The following RNF146 variants were observed in gnomAD, a reference collection of about 807,000 sequenced individuals.
RNF146 encodes E3 ubiquitin-protein ligase RNF146.
A neutral mutation model predicts 29.7 loss-of-function variants in RNF146; 11 were observed. That is an observed-to-expected ratio of 0.37 (90% CI 0.23 to 0.61). The LOEUF (loss-of-function observed/expected upper bound fraction) is 0.61. Among genes scored for constraint, RNF146 ranks in the 20% least tolerant of loss-of-function variants. RNF146 has a pLI of 0.66. For missense variants in RNF146, 342 were observed against 438.9 expected, an observed-to-expected ratio of 0.78 and a Z score of 1.97; for synonymous variants, 150 against 159.7, an observed-to-expected ratio of 0.94 and a Z score of 0.46.
In RNF146 at chr6:127,287,319, T is replaced by G. The variant is rs1313994875; in HGVS notation, c.706T>G (p.Ser236Ala). ...DGQLTSPATPSPDASTSLEDS... is the reference protein window; with the variant it reads ...DGQLTSPATPAPDASTSLEDS... ...TCAGTTAACAAGCCCTGCAACACCATCCCCTGATGCAAGCACTTCTCTGGA... is the reference window on the plus strand; with the variant it reads ...TCAGTTAACAAGCCCTGCAACACCAGCCCCTGATGCAAGCACTTCTCTGGA... The change falls in exon 3 of 3, where the codon TCC (serine) becomes GCC (alanine). Residue 236 changes from serine to alanine, a missense_variant. By Grantham distance (99) the Ser-to-Ala change is moderately conservative. Coordinates refer to ENST00000368314, the MANE Select transcript of RNF146 (RefSeq NM_001242850.2). The G allele has an allele frequency of 2.5e-6, 4 of 1,613,342 alleles. No homozygotes were observed. Among genetic ancestry groups the G allele is most frequent in the Non-Finnish European group, 3.4e-6 (4 of 1,179,604 alleles).
Position 127,287,969 on chromosome 6 carries a change from C to A in RNF146, c.*276C>A, listed in dbSNP as rs943200856. The A allele has an allele frequency of 3.9e-6, 1 of 259,654 alleles. No homozygotes were observed. Among genetic ancestry groups the A allele is most frequent in the South Asian group, 9.0e-5 (1 of 11,076 alleles). The allele number at this position is 259,654 out of a possible 1,614,324, so 16.1% of individuals were successfully genotyped here. A position where few individuals can be genotyped will look rare whatever the true frequency, so the allele number is the denominator to read the frequency against. On this transcript the variant is annotated 3_prime_UTR_variant, in exon 3 of 3. Transcript: ENST00000368314. ...ATACTTTTTAAAAACTTCTGTAGTT[C>A]TTTTGGCCAGTGTGTTTGTATTATC... is the stretch of plus-strand genomic sequence containing the variant.
At chr6:127,278,717 A>G (rs946262785) in intron 1 of RNF146, among the ~76,000 whole-genome samples, 2 of 151,926 alleles carry the variant, frequency 1.3e-5, no homozygotes, top group African/African-American at 4.8e-5. Context: ...CTTTTTGAGG[A>G]AGCAACAAAT....
intron 2 of RNF146, chr6:127,285,489 T>G: frequency 3.7e-6 from 1 of 271,760 alleles, no homozygotes; most frequent in East Asian, 1.8e-4. Context: ...TTTTTACTTA[T>G]CAGTGGTTTA....
rs772793384 is a variant in RNF146, at chr6:127,287,188, T to G, written c.575T>G (p.Leu192Arg). Reference sequence around the variant, plus strand: ...GACTGTGATGCTAATACCGTAAACCTAGCAAGAGAGAGCTCTGCTGACGGA... The same window carrying G: ...GACTGTGATGCTAATACCGTAAACCGAGCAAGAGAGAGCTCTGCTGACGGA... ...RLDCDANTVN[L>R]ARESSADGAD... The change falls in exon 3 of 3, where the codon CTA (leucine) becomes CGA (arginine). Residue 192 changes from leucine to arginine, a missense_variant. Leu to Arg is a moderately radical substitution (Grantham distance 102). Transcript: ENST00000368314. 3 of 1,613,358 alleles carry G rather than the reference T, an allele frequency of 1.9e-6. No individual in the cohort carries two copies. Among genetic ancestry groups the G allele is most frequent in the Non-Finnish European group, 2.5e-6 (3 of 1,179,596 alleles).
intron 1 of RNF146, among the ~76,000 whole-genome samples, chr6:127,270,430 T>A (rs533476105): frequency 6.6e-6 from 1 of 152,326 alleles, no homozygotes; most frequent in Admixed American, 6.5e-5. Flanking sequence ...TTTGAGTTAT[T>A]TATGTTTGGC....
At chr6:127,284,395 A>G (rs1320503635) in intron 2 of RNF146, among the ~76,000 whole-genome samples, 1 of 151,880 alleles carries the variant, frequency 6.6e-6, no homozygotes, top group Non-Finnish European at 1.5e-5. Flanking sequence ...TAGTCTCATG[A>G]ATAGAATCAT....
intron 1 of RNF146, among the ~76,000 whole-genome samples, chr6:127,277,200 A>G (rs752658020): frequency 7.2e-5 from 11 of 152,078 alleles, no homozygotes; most frequent in Non-Finnish European, 1.6e-4. Flanking sequence ...GAGACTTGAA[A>G]GAAAAAGTAA....
intron 1 of RNF146, among the ~76,000 whole-genome samples, chr6:127,272,902 G>T (rs1403645660): frequency 1.3e-5 from 2 of 152,112 alleles, no homozygotes; most frequent in Admixed American, 1.3e-4. Flanking sequence ...ATAAGCTAAA[G>T]GAAAATAAAT....
chr6:127,272,849 T>TA (rs1360507307), intron 1 of RNF146, among the ~76,000 whole-genome samples: 2 of 152,226 alleles, frequency 1.3e-5, no homozygotes, highest in African/African-American at 2.4e-5. Context: ...TAAAGTCAGT[T>TA]AACACGTTGT....
At chr6:127,282,803 G>A (rs1002661797) in intron 2 of RNF146, among the ~76,000 whole-genome samples, 13 of 151,626 alleles carry the variant, frequency 8.6e-5, no homozygotes, top group Non-Finnish European at 1.5e-4. Context: ...AACTCCTCTT[G>A]TCTCATTAGT....
At chr6:127,276,784 G>A (rs1778270378) in intron 1 of RNF146, among the ~76,000 whole-genome samples, 1 of 152,048 alleles carries the variant, frequency 6.6e-6, no homozygotes, top group African/African-American at 2.4e-5. Context: ...TTTGGTTGCT[G>A]GAGAGTAGAT....
intron 1 of RNF146, among the ~76,000 whole-genome samples, chr6:127,273,335 T>TA (rs1263079611): frequency 6.6e-6 from 1 of 152,186 alleles, no homozygotes; most frequent in Non-Finnish European, 1.5e-5. Context: ...TACATTTGTT[T>TA]AAATTTCTTG....
rs1776686072 is a variant in RNF146, at chr6:127,266,930, G to C, written c.-109+5G>C. 1 of 152,396 alleles carries C rather than the reference G, an allele frequency of 6.6e-6. No individual in the cohort carries two copies. Among genetic ancestry groups the C allele is most frequent in the Admixed American group, 6.5e-5 (1 of 15,274 alleles). 9.4% of individuals were successfully genotyped at this position (152,396 alleles called of 1,614,324 possible). On this transcript the variant is annotated splice_donor_5th_base_variant and intron_variant, in intron 1 of 2. Coordinates refer to ENST00000368314, the MANE Select transcript of RNF146 (RefSeq NM_001242850.2). The stretch of plus-strand genomic sequence containing the variant: ...GCCGCAGCTGTGGCCGGAGAGGTGG[G>C]AGTCGGAGCGAGGCCCTCTCGGGGG...
intron 1 of RNF146, among the ~76,000 whole-genome samples, chr6:127,268,621 A>G (rs1180003246): frequency 6.6e-6 from 1 of 152,226 alleles, no homozygotes; most frequent in Non-Finnish European, 1.5e-5. Context: ...TATGTCTCAA[A>G]TGAGCCAGTG....
chr6:127,280,595 A>G, intron 2 of RNF146: 1 of 1,166,216 alleles, frequency 8.6e-7, no homozygotes, highest in Non-Finnish European at 1.1e-6. Flanking sequence ...ATGCTGAAAT[A>G]GATCTCCAGG....
At chr6:127,275,008 G>A (rs1386897548) in intron 1 of RNF146, among the ~76,000 whole-genome samples, 5 of 152,192 alleles carry the variant, frequency 3.3e-5, no homozygotes, top group Non-Finnish European at 7.3e-5. Flanking sequence ...GAAAACCTTT[G>A]TGATGGGTAA....
rs1488625331 is a variant in RNF146, at chr6:127,280,288, G to A, written c.-51G>A. The A allele has an allele frequency of 2.6e-6, 4 of 1,543,448 alleles. No homozygotes were observed. The highest frequency in any genetic ancestry group is 2.0e-5 in the Admixed American group (1 of 50,882). On this transcript the variant is annotated 5_prime_UTR_variant, in exon 2 of 3. The change abolishes the stop of an existing upstream ORF in the 5' untranslated region. Coordinates refer to ENST00000368314, the MANE Select transcript of RNF146 (RefSeq NM_001242850.2). Reference sequence around the variant, plus strand: ...TACTGTAAGCTGGCTGACTGCTGGTGAAGAAAATGCTTTATTTTTGTGGCA... The same window carrying A: ...TACTGTAAGCTGGCTGACTGCTGGTAAAGAAAATGCTTTATTTTTGTGGCA...
In RNF146 at chr6:127,287,216, G is replaced by C; in HGVS notation, c.603G>C (p.Ala201=). Residue 201 remains alanine (A), a synonymous_variant, in exon 3 of 3, where the codon GCG becomes GCC. Coordinates refer to ENST00000368314, the MANE Select transcript of RNF146 (RefSeq NM_001242850.2). ...NLARESSADG[A]DSVSAQSGAS... ...CAAGAGAGAGCTCTGCTGACGGAGC[G>C]GACAGTGTATCAGCACAGAGTGGAG... 6.2e-7 allele frequency: 1 copy of C among 1,613,342 alleles called. No individual in the cohort carries two copies. The highest frequency in any genetic ancestry group is 1.3e-5 in the African/African-American group (1 of 74,942).
upstream of RNF146, chr6:127,266,793 T>A (rs1203607693): frequency 1.3e-5 from 2 of 150,956 alleles, no homozygotes; most frequent in Non-Finnish European, 3.0e-5. Context: ...CGGGTGCGGG[T>A]GCGCGGCGCG....
Sources: gnomAD v4.1 joint callset for allele counts (sites outside exome capture counted in the v4.1 genomes callset) on GRCh38, gnomAD v4.1.1 for gene constraint, MANE v1.5 for transcripts, NCBI Gene and HGNC (gene_info 2026-07-23, HGNC 2026-07-21) for gene names.